Variants in EXT2 observed in about 807,000 individuals in gnomAD.
EXT2 encodes exostosin glycosyltransferase 2, also known as exostosin-2.
In EXT2, 53 loss-of-function variants were observed where a neutral mutation model predicts 81.6. The observed-to-expected ratio is 0.65, with a 90% confidence interval of 0.52 to 0.82. EXT2 has a LOEUF of 0.82. Ranked by LOEUF, EXT2 falls within the 40% of genes least tolerant of loss-of-function variation. The pLI, the probability that EXT2 is intolerant of heterozygous loss-of-function variation, is 0.00. For missense variants in EXT2, 774 were observed against 910.2 expected (o/e 0.85, Z 1.93); for synonymous variants, 320 against 340.0 (o/e 0.94, Z 0.65).
intron 7 of EXT2, among the ~76,000 whole-genome samples, chr11:44,160,383 G>C (rs1024083554): frequency 6.6e-6 from 1 of 152,178 alleles, no homozygotes; most frequent in Non-Finnish European, 1.5e-5. Context: ...TTGGAGAAAA[G>C]GTGTTGATTT....
chr11:44,204,454 G>A (rs549704143), intron 9 of EXT2, among the ~76,000 whole-genome samples: 1 of 152,198 alleles, frequency 6.6e-6, no homozygotes, highest in African/African-American at 2.4e-5. Context: ...GAGCATGAAG[G>A]GATTCTGAGA....
chr11:44,154,867 T>G (rs1435238724), intron 7 of EXT2, among the ~76,000 whole-genome samples: 1 of 152,170 alleles, frequency 6.6e-6, no homozygotes, highest in African/African-American at 2.4e-5. Context: ...ATTAGAGTTT[T>G]GATTTGCATT....
At chr11:44,155,062 T>C (rs1954839837) in intron 7 of EXT2, among the ~76,000 whole-genome samples, 1 of 152,212 alleles carries the variant, frequency 6.6e-6, no homozygotes, top group African/African-American at 2.4e-5. Flanking sequence ...TTTGGTTGTC[T>C]CTTCATTTTG....
chr11:44,119,827 G>A (rs550210794), intron 4 of EXT2, among the ~76,000 whole-genome samples: 103 of 152,342 alleles, frequency 6.8e-4, no homozygotes, highest in African/African-American at 2.4e-3. Flanking sequence ...TGTCAGCAGC[G>A]CTGGGGTTGA....
At chr11:44,169,325 A>G (rs779332540) in intron 7 of EXT2, among the ~76,000 whole-genome samples, 5 of 152,090 alleles carry the variant, frequency 3.3e-5, no homozygotes, top group Non-Finnish European at 7.4e-5. Context: ...AGCACAGCAG[A>G]TAGGAGAGAG....
chr11:44,172,072 C>CT (rs1955083259), intron 8 of EXT2, among the ~76,000 whole-genome samples: 1 of 152,214 alleles, frequency 6.6e-6, no homozygotes, highest in South Asian at 2.1e-4. Context: ...TTTTGAAAAA[C>CT]TTCTGTAAGC....
rs1005343877 is a variant in EXT2, at chr11:44,234,162, C to G, written c.1854C>G (p.Asn618Lys). The G allele has an allele frequency of 6.8e-6, 11 of 1,613,980 alleles. No individual in the cohort carries two copies. In the African/African-American group the frequency reaches 1.2e-4, roughly 18 times the overall value. ...YTYKMPGDIK[N>K]WVDAHMNCED... ...ACAAAATGCCTGGGGATATCAAGAA[C>G]TGGGTAGATGCTCATATGAACTGTG... is the stretch of plus-strand genomic sequence containing the variant. The change falls in exon 12 of 14, where the codon AAC becomes AAG. Residue 618 changes from asparagine (N) to lysine (K), a missense_variant. Physicochemically the swap from Asn to Lys is moderately conservative, Grantham distance 94 (BLOSUM62 0). Coordinates refer to ENST00000533608, the MANE Select transcript of EXT2 (RefSeq NM_207122.2).
chr11:44,095,959 G>A (rs1014631733), intron 1 of EXT2, 107 bp downstream of exon 1: 40 of 426,312 alleles, frequency 9.4e-5, no homozygotes, highest in Non-Finnish European at 1.4e-4. Flanking sequence ...GCGCGGCCGC[G>A]CGGAGGCTCC....
At chr11:44,096,654 G>A (rs760964045) in intron 1 of EXT2, among the ~76,000 whole-genome samples, 6 of 152,218 alleles carry the variant, frequency 3.9e-5, no homozygotes, top group Non-Finnish European at 5.9e-5. Context: ...GAAGCACACT[G>A]GCTCTGGGCT....
intron 7 of EXT2, among the ~76,000 whole-genome samples, chr11:44,142,317 A>G (rs768226444): frequency 3.3e-5 from 5 of 152,220 alleles, no homozygotes; most frequent in Non-Finnish European, 5.9e-5. Flanking sequence ...GTTCTTGGGA[A>G]TGTTTAGACA....
At chr11:44,235,387 G>A (rs546349014) in intron 12 of EXT2, among the ~76,000 whole-genome samples, 1 of 151,774 alleles carries the variant, frequency 6.6e-6, no homozygotes. Context: ...GACTACAGGT[G>A]CACGCCGCCA....
At chr11:44,207,073 C>A in intron 10 of EXT2, 114 bp downstream of exon 10, 1 of 1,245,230 alleles carries the variant, frequency 8.0e-7, no homozygotes, top group Non-Finnish European at 1.2e-6. Flanking sequence ...TTTCTAAAAT[C>A]TTCCAGTAGA....
rs1011233912 is a variant in EXT2 at position 44,197,855 on chromosome 11, C to G, written c.1332C>G (p.Leu444=). 1 of 1,614,080 alleles carries G rather than the reference C, an allele frequency of 6.2e-7. No individual in the cohort carries two copies. The highest frequency in any genetic ancestry group is 1.1e-5 in the South Asian group (1 of 91,084). The change falls in exon 9 of 14, where the codon CTC becomes CTG. Residue 444 remains leucine (L), a synonymous_variant. Transcript: ENST00000533608. ...AVKWGSVSNP[L]FLPLIPPQSQ... ...AGTGGGGCAGCGTGAGCAATCCACTCTTCCTCCCGCTGATCCCACCACAGT... is the reference window on the plus strand; with the variant it reads ...AGTGGGGCAGCGTGAGCAATCCACTGTTCCTCCCGCTGATCCCACCACAGT...
At chr11:44,142,878 C>T (rs981533592) in intron 7 of EXT2, among the ~76,000 whole-genome samples, 7 of 152,240 alleles carry the variant, frequency 4.6e-5, no homozygotes, top group Admixed American at 3.9e-4. Flanking sequence ...CCTCCCGAAT[C>T]TCTTTGCCTA....
rs1318494844 is a variant in EXT2, at chr11:44,220,726, C to T, written c.1663-11627C>T. On this transcript the variant is annotated intron_variant, in intron 10 of 13. Coordinates refer to ENST00000533608, the MANE Select transcript of EXT2 (RefSeq NM_207122.2). The surrounding 1 kb of genome is among the most constrained non-coding windows in gnomAD (Gnocchi z 4.4). ...CTCCAGCTTGCATTGATTTACACCC[C>T]CAAGACTCACAGGGACCTGGAGAGA... Among the ~76,000 whole-genome samples the T allele has an allele frequency of 6.6e-6, 1 of 152,138 alleles. No individual in the cohort carries two copies. Among genetic ancestry groups the T allele is most frequent in the East Asian group, 1.9e-4 (1 of 5,178 alleles).
chr11:44,241,554 T>A (rs555399946), intron 13 of EXT2, among the ~76,000 whole-genome samples: 2 of 152,342 alleles, frequency 1.3e-5, no homozygotes, highest in African/African-American at 4.8e-5. Context: ...CCTGGGAATG[T>A]TAGTTTCCTT....
intron 7 of EXT2, among the ~76,000 whole-genome samples, chr11:44,146,816 C>G (rs1366785439): frequency 6.6e-6 from 1 of 152,000 alleles, no homozygotes; most frequent in Non-Finnish European, 1.5e-5. Context: ...TGTTTTAATT[C>G]CAGAAGGGGA....
intron 8 of EXT2, among the ~76,000 whole-genome samples, chr11:44,184,699 C>A (rs187963728): frequency 6.6e-6 from 1 of 152,144 alleles, no homozygotes; most frequent in East Asian, 1.9e-4. Context: ...TGCAGTGAGC[C>A]GAGATGGTGC....
chr11:44,177,076 A>G (rs1955168867), intron 8 of EXT2, among the ~76,000 whole-genome samples: 1 of 152,230 alleles, frequency 6.6e-6, no homozygotes, highest in African/African-American at 2.4e-5. Context: ...CAGAACCTGA[A>G]AAAGTTTGAC....
Sources: gnomAD v4.1 joint callset for allele counts (sites outside exome capture counted in the v4.1 genomes callset) on GRCh38, gnomAD v4.1.1 for gene constraint, Gnocchi (gnomAD v3.1) non-coding constraint, MANE v1.5 for transcripts, NCBI Gene and HGNC (gene_info 2026-07-23, HGNC 2026-07-21) for gene names.